Variants in RAB27B observed in about 807,000 individuals in gnomAD.
RAB27B encodes the protein RAB27B, member RAS oncogene family, also known as ras-related protein Rab-27B.
A neutral mutation model predicts 24.6 loss-of-function variants in RAB27B; 15 were observed. That is an observed-to-expected ratio of 0.61 (90% CI 0.41 to 0.94). The LOEUF (loss-of-function observed/expected upper bound fraction) is 0.94. Among genes scored for constraint, RAB27B ranks in the 40% least tolerant of loss-of-function variants. The pLI is 0.00. For synonymous variants in RAB27B, 105 were observed against 92.5 expected (o/e 1.14, Z -0.78); for missense variants, 261 against 266.8 (o/e 0.98, Z 0.15).
chr18:54,838,791 TA>T (rs1486481398), intron 1 of RAB27B, among the ~76,000 whole-genome samples: 1 of 152,172 alleles, frequency 6.6e-6, no homozygotes, highest in Non-Finnish European at 1.5e-5. Context: ...TTGTGGTCTT[TA>T]ATTTTTTTTC....
At chr18:54,767,650 C>T (rs756069328) in intron 2 of RAB27B, among the ~76,000 whole-genome samples, 2 of 152,162 alleles carry the variant, frequency 1.3e-5, no homozygotes, top group Non-Finnish European at 2.9e-5. Context: ...CAGTGTTTAT[C>T]TTATTTAATA....
At chr18:54,739,994 T>C (rs564238911) in intron 2 of RAB27B, among the ~76,000 whole-genome samples, 1 of 152,346 alleles carries the variant, frequency 6.6e-6, no homozygotes, top group South Asian at 2.1e-4. Flanking sequence ...ACAAATTGTT[T>C]GTAAGATATA....
intron 2 of RAB27B, among the ~76,000 whole-genome samples, chr18:54,794,729 G>A (rs1909360705): frequency 6.6e-6 from 1 of 152,200 alleles, no homozygotes; most frequent in Non-Finnish European, 1.5e-5. Context: ...ATTAGCTAGC[G>A]CTGAACAGAA....
intron 1 of RAB27B, among the ~76,000 whole-genome samples, chr18:54,857,010 A>G (rs1911810655): frequency 6.6e-6 from 1 of 151,684 alleles, no homozygotes; most frequent in Middle Eastern, 3.4e-3. Flanking sequence ...TTCTTCCTTC[A>G]TTTTCTTCCC....
intron 2 of RAB27B, 68 bp downstream of exon 2, chr18:54,877,806 A>T: frequency 3.4e-6 from 5 of 1,451,356 alleles, no homozygotes; most frequent in Non-Finnish European, 4.6e-6. Flanking sequence ...TCAAGAAGCT[A>T]TGTTTATTGC....
chr18:54,775,338 T>C (rs1380813484), intron 2 of RAB27B, among the ~76,000 whole-genome samples: 1 of 152,170 alleles, frequency 6.6e-6, no homozygotes. Context: ...AAATTAACAA[T>C]ATTCCAGCCA....
At chr18:54,772,765 A>G (rs1908591527) in intron 2 of RAB27B, among the ~76,000 whole-genome samples, 3 of 152,182 alleles carry the variant, frequency 2.0e-5, no homozygotes, top group Admixed American at 2.0e-4. Flanking sequence ...TTATTTAACA[A>G]GTTTTCATTA....
At chr18:54,800,917 CCAT>C (rs1909580265) in intron 2 of RAB27B, among the ~76,000 whole-genome samples, 1 of 151,980 alleles carries the variant, frequency 6.6e-6, no homozygotes, top group Admixed American at 6.6e-5. Context: ...CAATGGCAAA[CCAT>C]CAATCCATGG....
chr18:54,729,878 A>T (rs2144989114), intron 2 of RAB27B, among the ~76,000 whole-genome samples: 1 of 152,322 alleles, frequency 6.6e-6, no homozygotes, highest in Non-Finnish European at 1.5e-5. Flanking sequence ...GTTGAAAGTT[A>T]AGACCAGCCT....
At chr18:54,838,638 T>TA (rs1417163868) in intron 1 of RAB27B, among the ~76,000 whole-genome samples, 5 of 152,146 alleles carry the variant, frequency 3.3e-5, no homozygotes, top group African/African-American at 7.2e-5. Flanking sequence ...TCTGAACAAA[T>TA]ATGTTTTTCA....
intron 2 of RAB27B, among the ~76,000 whole-genome samples, chr18:54,822,023 G>A (rs1320483335): frequency 6.6e-6 from 1 of 152,184 alleles, no homozygotes; most frequent in African/African-American, 2.4e-5. Flanking sequence ...AAAGTGCTGG[G>A]ATTACAAGAG....
intron 2 of RAB27B, among the ~76,000 whole-genome samples, chr18:54,781,435 C>T (rs1455904260): frequency 6.6e-6 from 1 of 152,080 alleles, no homozygotes; most frequent in Non-Finnish European, 1.5e-5. Flanking sequence ...AGCCATGATT[C>T]AAGGTCCAGA....
chr18:54,797,256 T>C (rs1909451224), intron 2 of RAB27B, among the ~76,000 whole-genome samples: 1 of 151,968 alleles, frequency 6.6e-6, no homozygotes, highest in Non-Finnish European at 1.5e-5. Context: ...CCTGTAAGAG[T>C]AGCTTATAGG....
At chr18:54,876,087 G>A (rs1409087223) in intron 1 of RAB27B, among the ~76,000 whole-genome samples, 3 of 151,978 alleles carry the variant, frequency 2.0e-5, no homozygotes, top group Non-Finnish European at 4.4e-5. Flanking sequence ...CAATCATGGT[G>A]GAAGGTGAAG....
rs1383301938 is a variant in RAB27B, at chr18:54,828,527, T to G, written c.-193T>G. The G allele has an allele frequency of 6.6e-6, 1 of 152,234 alleles. No homozygotes were observed. The highest frequency in any genetic ancestry group is 6.5e-5 in the Admixed American group (1 of 15,278). 9.4% of individuals were successfully genotyped at this position (152,234 alleles called of 1,614,324 possible). Reference sequence around the variant, plus strand: ...TGCGGACCGCCCGGCCTTGGACCCATCCGGAGCCACAGGTTGGAGGAGATA... The same window carrying G: ...TGCGGACCGCCCGGCCTTGGACCCAGCCGGAGCCACAGGTTGGAGGAGATA... On this transcript the variant is annotated 5_prime_UTR_variant, in exon 1 of 6. Coordinates refer to ENST00000262094, the MANE Select transcript of RAB27B (RefSeq NM_004163.4).
At chr18:54,801,102 TC>T (rs1240961339) in intron 2 of RAB27B, among the ~76,000 whole-genome samples, 3 of 144,586 alleles carry the variant, frequency 2.1e-5, no homozygotes, top group Non-Finnish European at 4.5e-5. Context: ...AACCCCCGTC[TC>T]CTGGCTTCAA....
At chr18:54,785,716 A>G (rs1267938914) in intron 2 of RAB27B, among the ~76,000 whole-genome samples, 1 of 152,102 alleles carries the variant, frequency 6.6e-6, no homozygotes, top group Non-Finnish European at 1.5e-5. Flanking sequence ...AGGAACATGA[A>G]AGGTATTAAA....
chr18:54,888,352 T>C (rs1014182034), intron 5 of RAB27B, among the ~76,000 whole-genome samples: 33 of 152,204 alleles, frequency 2.2e-4, no homozygotes, highest in Non-Finnish European at 4.7e-4. Flanking sequence ...CATTAACTCA[T>C]TTTAACCCAT....
intron 2 of RAB27B, among the ~76,000 whole-genome samples, chr18:54,754,206 G>A (rs1206220834): frequency 6.6e-6 from 1 of 152,086 alleles, no homozygotes; most frequent in Non-Finnish European, 1.5e-5. Flanking sequence ...CATGAGATCT[G>A]GTGGTTTTAT....
Sources: gnomAD v4.1 joint callset for allele counts (sites outside exome capture counted in the v4.1 genomes callset) on GRCh38, gnomAD v4.1.1 for gene constraint, MANE v1.5 for transcripts, NCBI Gene and HGNC (gene_info 2026-07-23, HGNC 2026-07-21) for gene names.